KSR2: variants seen among roughly 807,000 people sequenced by gnomAD.
KSR2 encodes the protein kinase suppressor of ras 2.
Under a neutral mutation model 107.8 loss-of-function variants are expected in KSR2, and 25 were observed. The observed-to-expected ratio is 0.23, with a 90% confidence interval of 0.17 to 0.32. The LOEUF is 0.32. Ranked by LOEUF, KSR2 falls within the 10% of genes least tolerant of loss-of-function variation. The pLI is 1.00. For missense variants in KSR2, 887 were observed against 1,268.9 expected (o/e 0.70, Z 4.57); for synonymous variants, 480 against 507.0 (o/e 0.95, Z 0.71).
intron 9 of KSR2, among the ~76,000 whole-genome samples, 155 bp downstream of exon 9, chr12:117,555,014 C>T (rs1877558929): frequency 6.6e-6 from 1 of 152,172 alleles, no homozygotes; most frequent in Non-Finnish European, 1.5e-5. Context: ...CTGGACGTCC[C>T]TCAAGCTTTA....
chr12:117,534,404 C>T (rs2137266242), intron 10 of KSR2, among the ~76,000 whole-genome samples: 1 of 152,246 alleles, frequency 6.6e-6, no homozygotes, highest in African/African-American at 2.4e-5. Flanking sequence ...ACCTGCAAAA[C>T]TCAGCCATCC....
chr12:117,849,105 G>A (rs1359362817), intron 3 of KSR2, among the ~76,000 whole-genome samples: 2 of 152,104 alleles, frequency 1.3e-5, no homozygotes, highest in Non-Finnish European at 2.9e-5. Flanking sequence ...GATGATTGAG[G>A]ACTAAGAAGG....
At chr12:117,812,182 T>C (rs1397526262) in intron 3 of KSR2, among the ~76,000 whole-genome samples, 1 of 152,218 alleles carries the variant, frequency 6.6e-6, no homozygotes, top group Non-Finnish European at 1.5e-5. Context: ...TACTGGGCAC[T>C]TGAAACATAG....
In KSR2 at chr12:117,956,327, G is replaced by T. The variant is rs1211922348; in HGVS notation, c.180+11749C>A. On this transcript the variant is annotated intron_variant, in intron 1 of 19. Coordinates refer to ENST00000339824, the MANE Select transcript of KSR2 (RefSeq NM_173598.6). ...TGATGCCTGTAATCCCAGAACTTTG[G>T]GAGGCCAAGGCAGGAGGGCTGCTTG... is the stretch of plus-strand genomic sequence containing the variant. Among the ~76,000 whole-genome samples, 4 of 151,708 alleles carry T rather than the reference G, an allele frequency of 2.6e-5. No homozygotes were observed. The South Asian group carries it at 8.3e-4, about 32-fold the overall frequency.
intron 4 of KSR2, among the ~76,000 whole-genome samples, chr12:117,705,838 T>A (rs746263859): frequency 2.0e-5 from 3 of 152,126 alleles, no homozygotes; most frequent in Non-Finnish European, 4.4e-5. Flanking sequence ...TGGATAGGAC[T>A]CAGGCTCCTG....
intron 3 of KSR2, among the ~76,000 whole-genome samples, chr12:117,774,293 G>A (rs1593223667): frequency 6.6e-6 from 1 of 152,136 alleles, no homozygotes; most frequent in Admixed American, 6.5e-5. Flanking sequence ...TGTCATCCTT[G>A]CAAAAAGAAG....
At position 117,842,490 on chromosome 12, in the gene KSR2, G is replaced by T. The variant is rs908747897; in HGVS notation, c.472+12938C>A. Among the ~76,000 whole-genome samples, 4 of 152,156 alleles carry T rather than the reference G, an allele frequency of 2.6e-5. No homozygotes were observed. The highest frequency in any genetic ancestry group is 6.5e-5 in the Admixed American group (1 of 15,274). On this transcript the variant is annotated intron_variant, in intron 3 of 19. Transcript: ENST00000339824. This position sits in a 1 kb window ranked among gnomAD's most constrained non-coding sequence, Gnocchi z 4.2. ...CGGGAGCCCAGGGACAGGACTGGGG[G>T]TCTCATTCTAAGATGTAATAGTCTG... is the stretch of plus-strand genomic sequence containing the variant.
chr12:117,669,546 G>A (rs1303775474), intron 4 of KSR2, among the ~76,000 whole-genome samples: 1 of 150,004 alleles, frequency 6.7e-6, no homozygotes, highest in Non-Finnish European at 1.5e-5. Context: ...CAAATGTTGG[G>A]TTAAGTAAAA....
At chr12:117,631,595 A>G (rs1375882486) in intron 5 of KSR2, among the ~76,000 whole-genome samples, 27 of 152,088 alleles carry the variant, frequency 1.8e-4, no homozygotes, top group Admixed American at 1.6e-3. Context: ...CAATATTCCA[A>G]TATGCTAAAT....
intron 8 of KSR2, among the ~76,000 whole-genome samples, chr12:117,557,800 G>A (rs767633118): frequency 1.3e-5 from 2 of 152,202 alleles, no homozygotes; most frequent in Non-Finnish European, 2.9e-5. Flanking sequence ...TATGGATAAT[G>A]GAGTTTGGGG....
At position 117,860,351 on chromosome 12, in the gene KSR2, G is replaced by A. The variant is rs111471983; in HGVS notation, c.261C>T (p.Asp87=). The A allele has an allele frequency of 1.6e-4, 252 of 1,613,760 alleles. No individual in the cohort carries two copies. Among genetic ancestry groups the A allele is most frequent in the African/African-American group, 4.9e-4 (37 of 75,070 alleles). ...VALQERNAEL[D]GFPQLRHWFR... The stretch of plus-strand genomic sequence containing the variant: ...ACCAGTGCCGTAGCTGGGGGAAGCC[G>A]TCCAGCTCCGCGTTGCGCTCCTGCA... The change falls in exon 2 of 20, where the codon GAC becomes GAT. Residue 87 remains aspartate (D), a synonymous_variant. Coordinates refer to ENST00000339824, the MANE Select transcript of KSR2 (RefSeq NM_173598.6).
intron 4 of KSR2, among the ~76,000 whole-genome samples, chr12:117,700,301 G>A (rs1886251027): frequency 6.6e-6 from 1 of 152,130 alleles, no homozygotes; most frequent in Non-Finnish European, 1.5e-5. Context: ...ACAGGGTGGT[G>A]GAGGCAGGAT....
At chr12:117,925,086 G>C (rs1372463555) in intron 1 of KSR2, among the ~76,000 whole-genome samples, 1 of 151,908 alleles carries the variant, frequency 6.6e-6, no homozygotes, top group African/African-American at 2.4e-5. Flanking sequence ...GTTGAATCTG[G>C]GTGGTAAGTA....
chr12:117,870,636 A>T (rs1893619598), intron 1 of KSR2, among the ~76,000 whole-genome samples: 1 of 152,146 alleles, frequency 6.6e-6, no homozygotes, highest in Non-Finnish European at 1.5e-5. Context: ...TTATCTGTGC[A>T]GTAGATACCC....
At chr12:117,872,275 A>G (rs1421604901) in intron 1 of KSR2, among the ~76,000 whole-genome samples, 1 of 152,204 alleles carries the variant, frequency 6.6e-6, no homozygotes, top group Non-Finnish European at 1.5e-5. Context: ...GTTTCCAATC[A>G]TAAGCTTCAA....
rs1174596399 is a variant in KSR2, at chr12:117,907,922, A to G, written c.181-47491T>C. ...TTGTCTTATAGAGAGAAAAAAATCA[A>G]CTAGAAGTCTCTACTGAGGGCTGGA... On this transcript the variant is annotated intron_variant, in intron 1 of 19. Coordinates refer to ENST00000339824, the MANE Select transcript of KSR2 (RefSeq NM_173598.6). This position sits in a 1 kb window ranked among gnomAD's most constrained non-coding sequence, Gnocchi z 4.3. Among the ~76,000 whole-genome samples the G allele has an allele frequency of 2.0e-5, 3 of 152,190 alleles. No individual in the cohort carries two copies. The highest frequency in any genetic ancestry group is 7.2e-5 in the African/African-American group (3 of 41,448).
intron 4 of KSR2, among the ~76,000 whole-genome samples, chr12:117,698,034 C>A (rs1886143986): frequency 6.6e-6 from 1 of 151,946 alleles, no homozygotes; most frequent in African/African-American, 2.4e-5. Context: ...CTTCTAGAGG[C>A]CGAAGAACAC....
intron 3 of KSR2, among the ~76,000 whole-genome samples, chr12:117,770,063 A>T (rs1292805190): frequency 6.6e-6 from 1 of 152,038 alleles, no homozygotes; most frequent in East Asian, 1.9e-4. Context: ...TCAAAAAAAA[A>T]AAAAGAATCA....
intron 3 of KSR2, among the ~76,000 whole-genome samples, chr12:117,853,690 G>A (rs938525373): frequency 1.3e-5 from 2 of 151,950 alleles, no homozygotes; most frequent in African/African-American, 2.4e-5. Context: ...TCTCACTGTG[G>A]GTAAAGAGAG....
Sources: allele counts gnomAD v4.1 joint callset (sites outside exome capture counted in the v4.1 genomes callset), GRCh38; gene constraint gnomAD v4.1.1; non-coding constraint Gnocchi (gnomAD v3.1); transcripts MANE v1.5; gene names NCBI Gene and HGNC (gene_info 2026-07-23, HGNC 2026-07-21).